UBE2J2: variants seen among roughly 807,000 people sequenced by gnomAD.
UBE2J2 encodes the protein ubiquitin conjugating enzyme E2 J2.
A neutral mutation model predicts 28.6 loss-of-function variants in UBE2J2; 5 were observed. The observed-to-expected ratio is 0.17, with a 90% CI of 0.09 to 0.37. The LOEUF (loss-of-function observed/expected upper bound fraction) is 0.37. Among genes scored for constraint, UBE2J2 ranks in the 10% least tolerant of loss-of-function variants. The pLI is 1.00. For synonymous variants in UBE2J2, 138 were observed against 139.7 expected, an observed-to-expected ratio of 0.99 and a Z score of 0.09; for missense variants, 226 against 338.9, an observed-to-expected ratio of 0.67 and a Z score of 2.62.
rs150620760 is a variant in UBE2J2 at position 1,266,632 on chromosome 1, T to C, written c.131+1230A>G. 4.8e-3 allele frequency among the ~76,000 whole-genome samples: 734 copies of C among 151,858 alleles called. 8 individuals carry two copies. The highest frequency in any genetic ancestry group is 0.017 in the African/African-American group (689 of 41,450). On this transcript the variant is annotated intron_variant, in intron 2 of 6. Coordinates refer to ENST00000349431, the MANE Select transcript of UBE2J2 (RefSeq NM_058167.3). ...GTCAGGAGATCAAGACCATCCTGGCTAACACGGTGAAACCCCGTCTCTACT... is the reference window on the plus strand; with the variant it reads ...GTCAGGAGATCAAGACCATCCTGGCCAACACGGTGAAACCCCGTCTCTACT...
Position 1,255,271 on chromosome 1 carries a change from C to T in UBE2J2, c.712G>A (p.Val238Met). 1 of 1,613,418 alleles carries T rather than the reference C, an allele frequency of 6.2e-7. No individual in the cohort carries two copies. Among genetic ancestry groups the T allele is most frequent in the Non-Finnish European group, 8.5e-7 (1 of 1,179,812 alleles). ...LLGGALANLF[V>M]IVGFAAFAYT... ...GCAAAGGCTGCAAACCCAACTATCACAAACAAGTTCGCCAGGGCGCCACCC... is the reference window on the plus strand; with the variant it reads ...GCAAAGGCTGCAAACCCAACTATCATAAACAAGTTCGCCAGGGCGCCACCC... The change falls in exon 7 of 7, where the codon GTG becomes ATG. Residue 238 changes from valine to methionine, a missense_variant. Transcript: ENST00000349431.
At chr1:1,262,635 G>A (rs1235503222) in intron 3 of UBE2J2, among the ~76,000 whole-genome samples, 1 of 152,212 alleles carries the variant, frequency 6.6e-6, no homozygotes, top group Non-Finnish European at 1.5e-5. Context: ...AGCAACTGCT[G>A]ACCTGGCCCT....
rs1214697037 is a variant in UBE2J2 at position 1,257,101 on chromosome 1, G to T, written c.305C>A (p.Pro102Gln). The T allele has an allele frequency of 6.2e-7, 1 of 1,612,532 alleles. No homozygotes were observed. The highest frequency in any genetic ancestry group is 1.3e-5 in the African/African-American group (1 of 74,766). ...RLCLSITDFH[P>Q]DTWNPAWSVS... ...AGACCAGGCCGGGTTCCACGTGTCCGGGTGGAAATCCGTGATAGAAAGACA... is the reference window on the plus strand; with the variant it reads ...AGACCAGGCCGGGTTCCACGTGTCCTGGTGGAAATCCGTGATAGAAAGACA... Residue 102 changes from proline (P) to glutamine (Q), a missense_variant, in exon 5 of 7, where the codon CCG becomes CAG. Around this residue, in one of 3 missense-constraint regions of UBE2J2, gnomAD observed 13 missense variants for 63.0 expected, o/e 0.21. Transcript: ENST00000349431.
chr1:1,268,136 G>C lies in UBE2J2; in HGVS notation c.1-144C>G, dbSNP rs188673050. On this transcript the variant is annotated intron_variant, in intron 1 of 6. Coordinates refer to ENST00000349431, the MANE Select transcript of UBE2J2 (RefSeq NM_058167.3). This position sits in a 1 kb window ranked among gnomAD's most constrained non-coding sequence, Gnocchi z 4.7. ...GAGTCACAGCTCACAGGTCACCCTC[G>C]CTTGCCACCCGCCCAGACACCCAGA... 8 of 1,118,962 alleles carry C rather than the reference G, an allele frequency of 7.1e-6. No homozygotes were observed. The highest frequency in any genetic ancestry group is 9.0e-6 in the Non-Finnish European group (7 of 779,386). The allele number at this position is 1,118,962 out of a possible 1,614,324, so 69.3% of individuals were successfully genotyped here.
rs757246621 is a variant in UBE2J2 at position 1,257,298 on chromosome 1, T to C, written c.185A>G (p.His62Arg). 2.5e-6 allele frequency: 4 copies of C among 1,609,374 alleles called. No homozygotes were observed. Among genetic ancestry groups the C allele is most frequent in the Non-Finnish European group, 2.5e-6 (3 of 1,177,690 alleles). ...EMTPYEGGYY[H>R]GKLIFPREFP... The stretch of plus-strand genomic sequence containing the variant: ...TTCTCTGGGAAAAATTAGTTTTCCA[T>C]GATAATAGCCACCTACATGGAAACA... The change falls in exon 4 of 7, where the codon CAT becomes CGT. Residue 62 changes from histidine (H) to arginine (R), a missense_variant. His to Arg is a conservative substitution (Grantham distance 29). This residue lies in a region of UBE2J2 where 80 missense variants were observed against 114.5 expected (regional missense o/e 0.70). Coordinates refer to ENST00000349431, the MANE Select transcript of UBE2J2 (RefSeq NM_058167.3).
chr1:1,259,158 G>A (rs566623950), intron 3 of UBE2J2, among the ~76,000 whole-genome samples: 5 of 151,210 alleles, frequency 3.3e-5, no homozygotes, highest in East Asian at 1.9e-4. Flanking sequence ...GCGTGTGTGC[G>A]TGTCTGAGTG....
intron 2 of UBE2J2, chr1:1,267,621 G>C: frequency 9.3e-7 from 1 of 1,073,418 alleles, no homozygotes; most frequent in Non-Finnish European, 1.2e-6. Context: ...CCCCACACCG[G>C]AGATTCTCTC....
In UBE2J2 at chr1:1,268,138, T is replaced by G; in HGVS notation, c.1-146A>C. ...GTCACAGCTCACAGGTCACCCTCGCTTGCCACCCGCCCAGACACCCAGAGG... is the reference window on the plus strand; with the variant it reads ...GTCACAGCTCACAGGTCACCCTCGCGTGCCACCCGCCCAGACACCCAGAGG... On this transcript the variant is annotated intron_variant, in intron 1 of 6. Coordinates refer to ENST00000349431, the MANE Select transcript of UBE2J2 (RefSeq NM_058167.3). This position sits in a 1 kb window ranked among gnomAD's most constrained non-coding sequence, Gnocchi z 4.7. 1 of 1,106,970 alleles carries G rather than the reference T, an allele frequency of 9.0e-7. No homozygotes were observed. Among genetic ancestry groups the G allele is most frequent in the East Asian group, 2.4e-5 (1 of 40,934 alleles). 68.6% of individuals were successfully genotyped at this position (1,106,970 alleles called of 1,614,324 possible).
intron 3 of UBE2J2, 36 bp from the exon 4 acceptor site, chr1:1,257,346 C>A: frequency 2.8e-6 from 4 of 1,420,870 alleles, no homozygotes; most frequent in South Asian, 1.2e-5. Flanking sequence ...CCTTGTCGTC[C>A]GCCACAGCAG....
rs781034981 is a variant in UBE2J2 at position 1,257,210 on chromosome 1, G to A, written c.273C>T (p.Thr91=). The change falls in exon 4 of 7, where the codon ACC becomes ACT. Residue 91 remains threonine, a splice_region_variant and synonymous_variant. Transcript: ENST00000349431. ...ITPNGRFKCN[T]RLCLSITDFH... is the part of the protein sequence containing the mutation. ...CGCGGCCCCTCCAGGCACCTTACCT[G>A]GTGTTGCACTTAAACCTCCCGTTGG... 5.0e-5 allele frequency: 80 copies of A among 1,607,402 alleles called. No individual in the cohort carries two copies. The highest frequency in any genetic ancestry group is 6.5e-5 in the Non-Finnish European group (77 of 1,175,868).
intron 3 of UBE2J2, among the ~76,000 whole-genome samples, chr1:1,259,881 G>C (rs1410722554): frequency 6.6e-6 from 1 of 152,128 alleles, no homozygotes; most frequent in Non-Finnish European, 1.5e-5. Flanking sequence ...CCCAATAAAG[G>C]GTCGGCCTGG....
At chr1:1,260,027 T>G (rs1639463625) in intron 3 of UBE2J2, among the ~76,000 whole-genome samples, 1 of 152,228 alleles carries the variant, frequency 6.6e-6, no homozygotes, top group African/African-American at 2.4e-5. Context: ...ACGGCTTCAC[T>G]GTCTGCCTCC....
At chr1:1,272,620 TCACCTGCCTGTCACTCATCCACG>T (rs939206674) in intron 1 of UBE2J2, among the ~76,000 whole-genome samples, 19 of 152,086 alleles carry the variant, frequency 1.2e-4, no homozygotes, top group Admixed American at 3.9e-4. Flanking sequence ...CCTGCCTGGG[TCACCTGCCTGTCACTCATCCACG>T]CACCTACCTG....
chr1:1,262,237 C>T (rs1639607386), intron 3 of UBE2J2: 1 of 442,618 alleles, frequency 2.3e-6, no homozygotes, highest in Non-Finnish European at 4.5e-6. Flanking sequence ...CTTTAACACG[C>T]CCTGGACACC....
At chr1:1,260,150 A>AC (rs1325028038) in intron 3 of UBE2J2, among the ~76,000 whole-genome samples, 3 of 152,178 alleles carry the variant, frequency 2.0e-5, no homozygotes, top group African/African-American at 7.2e-5. Context: ...CAGTGGAGGG[A>AC]CGGCATGAGC....
chr1:1,269,147 C>T (rs113559575), intron 1 of UBE2J2, among the ~76,000 whole-genome samples: 21 of 151,276 alleles, frequency 1.4e-4, no homozygotes, highest in Admixed American at 1.3e-3. Flanking sequence ...CCCTCAGCCA[C>T]ACCCGAGACT....
At chr1:1,269,105 A>C (rs952150037) in intron 1 of UBE2J2, among the ~76,000 whole-genome samples, 21 of 149,964 alleles carry the variant, frequency 1.4e-4, no homozygotes, top group African/African-American at 5.3e-4. Context: ...GGCACCATGC[A>C]AGAGAGGAGG....
chr1:1,260,988 C>A (rs1234057229), intron 3 of UBE2J2, among the ~76,000 whole-genome samples: 2 of 152,236 alleles, frequency 1.3e-5, no homozygotes, highest in Non-Finnish European at 2.9e-5. Context: ...AGGGGCAGAA[C>A]AGCCACGGAA....
chr1:1,260,966 C>T (rs1170790053), intron 3 of UBE2J2, among the ~76,000 whole-genome samples: 2 of 152,200 alleles, frequency 1.3e-5, no homozygotes, highest in African/African-American at 4.8e-5. Flanking sequence ...GTGGGCACGC[C>T]TGGGCAGCAC....
Sources: allele counts gnomAD v4.1 joint callset (sites outside exome capture counted in the v4.1 genomes callset), GRCh38; gene constraint gnomAD v4.1.1; regional missense constraint gnomAD v4.1.1; non-coding constraint Gnocchi (gnomAD v3.1); transcripts MANE v1.5; gene names NCBI Gene and HGNC (gene_info 2026-07-23, HGNC 2026-07-21).